AGFG1: variants seen among roughly 807,000 people sequenced by gnomAD.
AGFG1 encodes arf-GAP domain and FG repeat-containing protein 1.
In AGFG1, 10 loss-of-function variants were observed where a neutral mutation model predicts 60.6. The observed-to-expected ratio is 0.16, with a 90% CI of 0.10 to 0.28. The LOEUF (loss-of-function observed/expected upper bound fraction) is 0.28. Among genes scored for constraint, AGFG1 ranks in the 10% least tolerant of loss-of-function variants. AGFG1 has a pLI of 1.00. For missense variants in AGFG1, 537 were observed against 676.5 expected (o/e 0.79, Z 2.29); for synonymous variants, 247 against 242.9 (o/e 1.02, Z -0.16).
rs139764867 is a variant in AGFG1, at chr2:227,539,457, A to AAAAC, written c.1378+2464_1378+2465insAAAC. 5.4e-5 allele frequency among the ~76,000 whole-genome samples: 7 copies of AAAAC among 129,944 alleles called. 1 individual carries two copies. The highest frequency in any genetic ancestry group is 8.0e-5 in the Admixed American group (1 of 12,574). The allele number at this position is 129,944 out of a possible 152,430, so 85.2% of individuals were successfully genotyped here. ...GACTCTGTCTCAAAAAAAACAAAAA[A>AAAAC]CACATGTTAACACTGTGAAATTATA... On this transcript the variant is annotated intron_variant, in intron 10 of 12. Transcript: ENST00000310078.
intron 10 of AGFG1, among the ~76,000 whole-genome samples, chr2:227,540,512 A>G (rs1186085562): frequency 1.3e-5 from 2 of 152,186 alleles, no homozygotes; most frequent in Admixed American, 1.3e-4. Flanking sequence ...GTGTGCCTAC[A>G]AAGGACATGA....
intron 2 of AGFG1, among the ~76,000 whole-genome samples, chr2:227,517,621 G>T (rs1691692574): frequency 6.6e-6 from 1 of 152,208 alleles, no homozygotes; most frequent in African/African-American, 2.4e-5. Context: ...AAGGAGAAGG[G>T]CAAGTCCTTT....
chr2:227,516,365 G>A (rs759226283), intron 2 of AGFG1, among the ~76,000 whole-genome samples: 2 of 152,200 alleles, frequency 1.3e-5, no homozygotes, highest in Non-Finnish European at 2.9e-5. Context: ...TACTTCACTT[G>A]AGTAAGAATT....
intron 2 of AGFG1, among the ~76,000 whole-genome samples, chr2:227,510,395 G>GTCA (rs1374939651): frequency 6.6e-6 from 1 of 152,256 alleles, no homozygotes; most frequent in African/African-American, 2.4e-5. Flanking sequence ...AAAACAACGA[G>GTCA]TCATCTGAAC....
At chr2:227,503,161 G>A (rs1260128466) in intron 2 of AGFG1, among the ~76,000 whole-genome samples, 1 of 151,718 alleles carries the variant, frequency 6.6e-6, no homozygotes, top group African/African-American at 2.4e-5. Context: ...TGAGCTTTGG[G>A]GAGGTTTTAG....
Position 227,554,421 on chromosome 2 carries a change from T to C in AGFG1, c.1630-15T>C. 1 of 1,606,072 alleles carries C rather than the reference T, an allele frequency of 6.2e-7. No homozygotes were observed. Among genetic ancestry groups the C allele is most frequent in the Non-Finnish European group, 8.5e-7 (1 of 1,176,340 alleles). On this transcript the variant is annotated splice_polypyrimidine_tract_variant and intron_variant, in intron 12 of 12. Transcript: ENST00000310078. ...CTTTTGTCTCTTTATTTATTTGTCT[T>C]ATGTTTTCCTTTAGACTGGTGCACC...
Position 227,559,612 on chromosome 2 carries a change from A to G in AGFG1, c.*5117A>G, listed in dbSNP as rs1693079571. 6.6e-6 allele frequency: 1 copy of G among 152,152 alleles called. No homozygotes were observed. Among genetic ancestry groups the G allele is most frequent in the Admixed American group, 6.5e-5 (1 of 15,272 alleles). The allele number at this position is 152,152 out of a possible 1,614,324, so 9.4% of individuals were successfully genotyped here. On this transcript the variant is annotated 3_prime_UTR_variant, in exon 13 of 13. Coordinates refer to ENST00000310078, the MANE Select transcript of AGFG1 (RefSeq NM_004504.5). ...AGTGATCCTAGATAAAATATTTTAG[A>G]TGGTGATTAAAATGCCCATAGATTA...
At chr2:227,498,776 C>T (rs1376718343) in intron 2 of AGFG1, among the ~76,000 whole-genome samples, 1 of 152,140 alleles carries the variant, frequency 6.6e-6, no homozygotes, top group Non-Finnish European at 1.5e-5. Context: ...TTTGTAACTA[C>T]TCTGAGAGTT....
At chr2:227,531,885 CAA>C (rs1467235144) in intron 6 of AGFG1, among the ~76,000 whole-genome samples, 3 of 152,244 alleles carry the variant, frequency 2.0e-5, no homozygotes, top group East Asian at 3.9e-4. Flanking sequence ...GTTTATTAGA[CAA>C]GAGTAGATTA....
chr2:227,524,539 C>T (rs899762111), intron 4 of AGFG1, among the ~76,000 whole-genome samples: 27 of 152,096 alleles, frequency 1.8e-4, no homozygotes, highest in East Asian at 1.9e-4. Flanking sequence ...GGTTCAGAGG[C>T]GTAGTACTGT....
At chr2:227,513,125 TATA>T (rs1365884741) in intron 2 of AGFG1, among the ~76,000 whole-genome samples, 1 of 152,248 alleles carries the variant, frequency 6.6e-6, no homozygotes, top group East Asian at 1.9e-4. Flanking sequence ...GGATTACTGA[TATA>T]ATACTGATTC....
At chr2:227,496,498 T>C (rs1260995011) in intron 2 of AGFG1, among the ~76,000 whole-genome samples, 1 of 151,816 alleles carries the variant, frequency 6.6e-6, no homozygotes, top group Admixed American at 6.6e-5. Context: ...CCTTAGGTCC[T>C]AGGGATACAA....
intron 10 of AGFG1, among the ~76,000 whole-genome samples, chr2:227,549,827 T>C (rs1692768809): frequency 6.6e-6 from 1 of 152,214 alleles, no homozygotes; most frequent in African/African-American, 2.4e-5. Context: ...TAATTTGTTA[T>C]TTATTATTCT....
At position 227,534,973 on chromosome 2, in the gene AGFG1, A is replaced by G; in HGVS notation, c.1153A>G (p.Ser385Gly). 1 of 1,613,856 alleles carries G rather than the reference A, an allele frequency of 6.2e-7. No homozygotes were observed. The highest frequency in any genetic ancestry group is 8.5e-7 in the Non-Finnish European group (1 of 1,179,822). ...AALAELDSVF[S>G]SAATSSNAYT... ...TCTGGCAGAACTAGACAGCGTTTTC[A>G]GTTCTGCAGCCACCTCCAGTAATGC... is the stretch of plus-strand genomic sequence containing the variant. The change falls in exon 8 of 13, where the codon AGT becomes GGT. Residue 385 changes from serine to glycine, a missense_variant. Ser to Gly is a moderately conservative substitution (Grantham distance 56). Coordinates refer to ENST00000310078, the MANE Select transcript of AGFG1 (RefSeq NM_004504.5).
chr2:227,531,581 A>T (rs920465277), intron 6 of AGFG1, among the ~76,000 whole-genome samples: 4 of 128,870 alleles, frequency 3.1e-5, no homozygotes, highest in African/African-American at 5.9e-5. Context: ...GGCACATGCC[A>T]CCACTCCCAG....
intron 5 of AGFG1, among the ~76,000 whole-genome samples, chr2:227,526,655 G>C (rs1412368621): frequency 6.8e-6 from 1 of 147,364 alleles, no homozygotes; most frequent in African/African-American, 2.5e-5. Flanking sequence ...CAATTCTCCT[G>C]CCTCAGCCTC....
chr2:227,507,711 T>C (rs1293912093), intron 2 of AGFG1, among the ~76,000 whole-genome samples: 1 of 152,048 alleles, frequency 6.6e-6, no homozygotes, highest in African/African-American at 2.4e-5. Context: ...ATAGTTTTAT[T>C]CTTCTTTTAA....
chr2:227,533,550 T>C lies in AGFG1; in HGVS notation c.816T>C (p.Gly272=). 6.2e-7 allele frequency: 1 copy of C among 1,613,280 alleles called. No individual in the cohort carries two copies. The highest frequency in any genetic ancestry group is 2.2e-5 in the East Asian group (1 of 44,852). The change falls in exon 7 of 13, where the codon GGT becomes GGC. Residue 272 remains glycine, a splice_region_variant and synonymous_variant. Coordinates refer to ENST00000310078, the MANE Select transcript of AGFG1 (RefSeq NM_004504.5). ...AGTGCTCTGTTTATTCTGTTACAGG[T>C]GGAAGTGCTGCATCAGTAAATGCTA... ...SHSPFQPQTT[G]GSAASVNANF... is the part of the protein sequence containing the mutation.
chr2:227,536,997 A>C lies in AGFG1; in HGVS notation c.1378+4A>C. ...ACCAATGCCAGAGGAGCAACAGGTA[A>C]GAAAAAGAGACAGTGGAACAGTAAG... On this transcript the variant is annotated splice_donor_region_variant and intron_variant, in intron 10 of 12. Transcript: ENST00000310078. 6.2e-7 allele frequency: 1 copy of C among 1,610,424 alleles called. No individual in the cohort carries two copies. Among genetic ancestry groups the C allele is most frequent in the Non-Finnish European group, 8.5e-7 (1 of 1,177,632 alleles).
Sources: allele counts gnomAD v4.1 joint callset (sites outside exome capture counted in the v4.1 genomes callset), GRCh38; gene constraint gnomAD v4.1.1; transcripts MANE v1.5; gene names NCBI Gene and HGNC (gene_info 2026-07-23, HGNC 2026-07-21).